IRAK1BP1: variants seen among roughly 807,000 people sequenced by gnomAD.
IRAK1BP1 encodes interleukin-1 receptor-associated kinase 1-binding protein 1.
In IRAK1BP1, 24 loss-of-function variants were observed where a neutral mutation model predicts 28.0. That is an observed-to-expected ratio of 0.86 (90% CI 0.62 to 1.20). IRAK1BP1 has a LOEUF of 1.20. IRAK1BP1 is among the 50% of genes most tolerant of loss of function. The pLI is 0.00. For synonymous variants in IRAK1BP1, 131 were observed against 116.3 expected (o/e 1.13, Z -0.81); for missense variants, 336 against 316.7 (o/e 1.06, Z -0.46).
intron 4 of IRAK1BP1, among the ~76,000 whole-genome samples, chr6:78,930,655 C>A (rs1167845258): frequency 6.6e-6 from 1 of 152,112 alleles, no homozygotes; most frequent in Non-Finnish European, 1.5e-5. Context: ...TGTGGCTGGG[C>A]ACCGTGGCTC....
the IRAK1BP1 span, chr6:78,961,914 C>A: frequency 2.5e-6 from 2 of 794,256 alleles, no homozygotes; most frequent in South Asian, 3.6e-5. Context: ...TCTACATAAT[C>A]ATTAGTCTGC....
chr6:78,923,386 G>A (rs1772796669), intron 4 of IRAK1BP1, among the ~76,000 whole-genome samples: 3 of 152,112 alleles, frequency 2.0e-5, no homozygotes, highest in Admixed American at 2.0e-4. Context: ...AAATATATAT[G>A]CACCCAATAC....
intron 4 of IRAK1BP1, among the ~76,000 whole-genome samples, chr6:78,928,985 G>T (rs989223575): frequency 6.6e-5 from 10 of 152,056 alleles, no homozygotes; most frequent in Middle Eastern, 3.2e-3. Flanking sequence ...TTTTTGATGT[G>T]TTTTTGTCTG....
chr6:78,891,522 C>T (rs1306451447), intron 2 of IRAK1BP1, among the ~76,000 whole-genome samples: 1 of 150,614 alleles, frequency 6.6e-6, no homozygotes, highest in South Asian at 2.1e-4. Context: ...AGTGCAATGG[C>T]GTGATCTTGG....
intron 1 of IRAK1BP1, among the ~76,000 whole-genome samples, chr6:78,873,035 T>C (rs994604957): frequency 1.3e-5 from 2 of 151,898 alleles, no homozygotes; most frequent in African/African-American, 4.8e-5. Context: ...GCAGGCGGAT[T>C]ACTTGAGATC....
chr6:78,947,779 G>A (rs771181865), downstream of IRAK1BP1: 1 of 1,599,362 alleles, frequency 6.3e-7, no homozygotes, highest in South Asian at 1.1e-5. Flanking sequence ...TGTAGTCCTA[G>A]GAGAGGGAAA....
Position 78,902,057 on chromosome 6 carries a change from A to C in IRAK1BP1, c.*3723A>C, listed in dbSNP as rs1266386094. 1 of 152,200 alleles carries C rather than the reference A, an allele frequency of 6.6e-6. No homozygotes were observed. Among genetic ancestry groups the C allele is most frequent in the African/African-American group, 2.4e-5 (1 of 41,454 alleles). The allele number at this position is 152,200 out of a possible 1,614,324, so 9.4% of individuals were successfully genotyped here. On this transcript the variant is annotated 3_prime_UTR_variant, in exon 4 of 4. Transcript: ENST00000369940. ...TGAAAGCAAATGCTTTATTTATTCC[A>C]ACAAAAAAAGACCTATATAAATTAG...
At chr6:78,906,327 G>T (rs752863118), downstream of IRAK1BP1, among the ~76,000 whole-genome samples, 10 of 151,720 alleles carry the variant, frequency 6.6e-5, no homozygotes, top group Non-Finnish European at 1.2e-4. Flanking sequence ...CTTTTTCATT[G>T]TCCTCATCTT....
rs1772128809 is a variant in IRAK1BP1 at position 78,902,259 on chromosome 6, C to T, written c.*3925C>T. ...CTGGGCTGAAGAAATCCTCTCACCT[C>T]AGCCTTTTAAGTAGCTGAAACATTA... On this transcript the variant is annotated 3_prime_UTR_variant, in exon 4 of 4. Coordinates refer to ENST00000369940, the MANE Select transcript of IRAK1BP1 (RefSeq NM_001010844.4). 6.6e-6 allele frequency: 1 copy of T among 152,240 alleles called. No individual in the cohort carries two copies. Among genetic ancestry groups the T allele is most frequent in the Admixed American group, 6.5e-5 (1 of 15,278 alleles). The allele number at this position is 152,240 out of a possible 1,614,324, so 9.4% of individuals were successfully genotyped here. A position where few individuals can be genotyped will look rare whatever the true frequency, so the allele number is the denominator to read the frequency against.
chr6:78,904,726 T>G (rs1315101443), downstream of IRAK1BP1, among the ~76,000 whole-genome samples: 2 of 152,304 alleles, frequency 1.3e-5, no homozygotes, highest in Middle Eastern at 3.4e-3. Flanking sequence ...CAAAAGAAAT[T>G]GTTTAGTTTG....
At chr6:78,951,629 T>C in the IRAK1BP1 span, among the ~76,000 whole-genome samples, 1 of 152,212 alleles carries the variant, frequency 6.6e-6, no homozygotes, top group Admixed American at 6.5e-5. Context: ...ATTTTTCTTA[T>C]TTCTACTACT....
chr6:78,917,530 A>G (rs1016741998), intron 4 of IRAK1BP1, among the ~76,000 whole-genome samples: 7 of 150,954 alleles, frequency 4.6e-5, no homozygotes, highest in African/African-American at 1.5e-4. Context: ...ATCTTGATAG[A>G]GGTAGACATC....
the IRAK1BP1 span, among the ~76,000 whole-genome samples, chr6:78,974,019 A>C: frequency 6.6e-6 from 1 of 152,186 alleles, no homozygotes; most frequent in Non-Finnish European, 1.5e-5. Context: ...CTCTGCACCA[A>C]GCAGACCTAA....
At chr6:78,888,492 A>C (rs1771509109) in intron 2 of IRAK1BP1, among the ~76,000 whole-genome samples, 1 of 151,348 alleles carries the variant, frequency 6.6e-6, no homozygotes, top group East Asian at 2.0e-4. Flanking sequence ...CAGTTTTTAT[A>C]TATAAATTAC....
chr6:78,907,032 T>C (rs140248732), downstream of IRAK1BP1, among the ~76,000 whole-genome samples: 484 of 152,298 alleles, frequency 3.2e-3, 2 homozygotes, highest in Middle Eastern at 0.01. Flanking sequence ...AATGCCATAT[T>C]GATACAGCTG....
At chr6:78,967,496 T>C in the IRAK1BP1 span, among the ~76,000 whole-genome samples, 1 of 152,214 alleles carries the variant, frequency 6.6e-6, no homozygotes, top group African/African-American at 2.4e-5. Context: ...GGACTACTAC[T>C]GAAGTCCACC....
chr6:78,873,543 A>G (rs1057114534), intron 1 of IRAK1BP1, among the ~76,000 whole-genome samples: 2 of 151,808 alleles, frequency 1.3e-5, no homozygotes, highest in African/African-American at 2.4e-5. Context: ...GGTGATTACT[A>G]TCATTGTTCA....
Position 78,867,610 on chromosome 6 carries a change from T to G in IRAK1BP1, c.34T>G (p.Phe12Val), listed in dbSNP as rs766401818. ...SLQKTPPTRV[F>V]VELVPWADRS... ...GCAAAAGACCCCTCCGACCCGAGTG[T>G]TCGTGGAACTGGTTCCCTGGGCTGA... is the stretch of plus-strand genomic sequence containing the variant. The change falls in exon 1 of 4, where the codon TTC (phenylalanine) becomes GTC (valine). Residue 12 changes from phenylalanine to valine, a missense_variant. Phe to Val is a conservative substitution (Grantham distance 50). Coordinates refer to ENST00000369940, the MANE Select transcript of IRAK1BP1 (RefSeq NM_001010844.4). 2.5e-6 allele frequency: 4 copies of G among 1,614,030 alleles called. No homozygotes were observed. The African/African-American group carries it at 5.3e-5, about 22-fold the overall frequency.
intron 1 of IRAK1BP1, among the ~76,000 whole-genome samples, chr6:78,875,831 A>G (rs1377324033): frequency 1.3e-5 from 2 of 152,178 alleles, no homozygotes; most frequent in East Asian, 3.8e-4. Context: ...TACCCATGTA[A>G]CAAACATGCA....
Sources: gnomAD v4.1 joint callset for allele counts (sites outside exome capture counted in the v4.1 genomes callset) on GRCh38, gnomAD v4.1.1 for gene constraint, MANE v1.5 for transcripts, NCBI Gene and HGNC (gene_info 2026-07-23, HGNC 2026-07-21) for gene names.